Variants in PEF1 observed in about 807,000 individuals in gnomAD.
PEF1 encodes penta-EF-hand domain containing 1, also known as peflin.
PEF1 carries 17 observed loss-of-function variants against 32.0 expected under a neutral mutation model. The observed-to-expected ratio is 0.53, with a 90% CI of 0.36 to 0.80. The LOEUF is 0.80. Among genes scored for constraint, PEF1 ranks in the 30% least tolerant of loss-of-function variants. PEF1 has a pLI of 0.00. For synonymous variants in PEF1, 130 were observed against 139.8 expected (o/e 0.93, Z 0.50); for missense variants, 362 against 369.1 (o/e 0.98, Z 0.16).
At position 31,633,230 on chromosome 1, in the gene PEF1, T is replaced by C; in HGVS notation, c.410A>G (p.Lys137Arg). The change falls in exon 3 of 5, where the codon AAG becomes AGG. Residue 137 changes from lysine to arginine, a missense_variant. Transcript: ENST00000373703. ...GTTGACCAGGGCCTGCTTTAGCTCC[T>C]TCATGGAGATATAGCCACTGTGATC... is the stretch of plus-strand genomic sequence containing the variant. ...DSDHSGYISM[K>R]ELKQALVNCN... 1 of 1,614,054 alleles carries C rather than the reference T, an allele frequency of 6.2e-7. No homozygotes were observed. The highest frequency in any genetic ancestry group is 1.1e-5 in the South Asian group (1 of 91,042).
rs1640229510 is a variant in PEF1, at chr1:31,635,447, C to T, written c.100G>A (p.Gly34Arg). The change falls in exon 2 of 5, where the codon GGG becomes AGG. Residue 34 changes from glycine (G) to arginine (R), a missense_variant. Coordinates refer to ENST00000373703, the MANE Select transcript of PEF1 (RefSeq NM_012392.4). ...GGGGGTAGCCCACTACCATACTGCCCTCCACTATTGGGGGGTCCAGGGTAG... is the reference window on the plus strand; with the variant it reads ...GGGGGTAGCCCACTACCATACTGCCTTCCACTATTGGGGGGTCCAGGGTAG... ...SYYPGPPNSG[G>R]QYGSGLPPGG... The T allele has an allele frequency of 1.2e-6, 2 of 1,604,684 alleles. No individual in the cohort carries two copies. Among genetic ancestry groups the T allele is most frequent in the African/African-American group, 1.3e-5 (1 of 74,656 alleles).
Position 31,632,488 on chromosome 1 carries a change from C to A in PEF1, c.625+7G>T. ...CCTGCCCATCGTGCCCCGGCCATGA[C>A]CCGCACCTTGCTGCAGCTCTGTGTA... On this transcript the variant is annotated splice_region_variant and intron_variant, in intron 4 of 4. Coordinates refer to ENST00000373703, the MANE Select transcript of PEF1 (RefSeq NM_012392.4). 6.2e-7 allele frequency: 1 copy of A among 1,614,260 alleles called. No homozygotes were observed. Among genetic ancestry groups the A allele is most frequent in the Non-Finnish European group, 8.5e-7 (1 of 1,180,042 alleles).
chr1:31,633,635 C>A (rs1015229711), intron 2 of PEF1, among the ~76,000 whole-genome samples: 3 of 152,044 alleles, frequency 2.0e-5, no homozygotes, highest in Non-Finnish European at 2.9e-5. Flanking sequence ...AGGTAAACTG[C>A]GAGATGGGGG....
chr1:31,643,759 C>A (rs75270800), intron 1 of PEF1, among the ~76,000 whole-genome samples: 1 of 152,192 alleles, frequency 6.6e-6, no homozygotes, highest in Non-Finnish European at 1.5e-5. Flanking sequence ...TGTAATATAC[C>A]AATTGATCTT....
rs1266843311 is a variant in PEF1, at chr1:31,630,965, A to T, written c.626-123T>A. The T allele has an allele frequency of 1.2e-5, 10 of 806,514 alleles. No homozygotes were observed. In the South Asian group the frequency reaches 1.3e-4, roughly 10 times the overall value. 50.0% of individuals were successfully genotyped at this position (806,514 alleles called of 1,614,324 possible). A position where few individuals can be genotyped will look rare whatever the true frequency, so the allele number is the denominator to read the frequency against. Reference sequence around the variant, plus strand: ...AGAGGATGGGCACAGAAGCACAAAGAGGGTAGAGAAATCCCAAGGGTCTGT... The same window carrying T: ...AGAGGATGGGCACAGAAGCACAAAGTGGGTAGAGAAATCCCAAGGGTCTGT... On this transcript the variant is annotated intron_variant, in intron 4 of 4. Coordinates refer to ENST00000373703, the MANE Select transcript of PEF1 (RefSeq NM_012392.4).
intron 1 of PEF1, among the ~76,000 whole-genome samples, chr1:31,640,849 G>A (rs908706487): frequency 1.3e-5 from 2 of 152,024 alleles, no homozygotes; most frequent in African/African-American, 4.8e-5. Context: ...GCTGTTCCAA[G>A]CTGAGCCCTG....
chr1:31,639,161 GAA>G (rs1334346896), intron 1 of PEF1, among the ~76,000 whole-genome samples: 1 of 152,148 alleles, frequency 6.6e-6, no homozygotes, highest in Non-Finnish European at 1.5e-5. Context: ...ACTCCAGACA[GAA>G]GAGAGAAGAA....
At chr1:31,633,854 C>G (rs2148618422) in intron 2 of PEF1, among the ~76,000 whole-genome samples, 1 of 151,936 alleles carries the variant, frequency 6.6e-6, no homozygotes, top group East Asian at 1.9e-4. Context: ...ACTGGGGAGG[C>G]TGAAGCAGGA....
intron 4 of PEF1, among the ~76,000 whole-genome samples, chr1:31,631,290 A>G (rs565974131): frequency 6.6e-6 from 1 of 152,300 alleles, no homozygotes; most frequent in South Asian, 2.1e-4. Context: ...CTATCTTATC[A>G]TCTCTAAAAT....
chr1:31,633,436 T>C (rs1640171251), intron 2 of PEF1, 122 bp from the exon 3 acceptor site: 1 of 1,096,746 alleles, frequency 9.1e-7, no homozygotes, highest in Non-Finnish European at 1.3e-6. Flanking sequence ...CTGTCTTCCA[T>C]CAAGCTGACA....
Position 31,644,343 on chromosome 1 carries a change from G to C in PEF1, c.24+498C>G, listed in dbSNP as rs191896889. On this transcript the variant is annotated intron_variant, in intron 1 of 4. Coordinates refer to ENST00000373703, the MANE Select transcript of PEF1 (RefSeq NM_012392.4). ...GGTTCACTTTTCTACACGCGAAATG[G>C]CGGTGTTGAACTAAGTCAGTGGTCA... The C allele has an allele frequency of 6.0e-5, 59 of 981,040 alleles. No homozygotes were observed. The African/African-American group carries it at 1.0e-3, about 17-fold the overall frequency. 60.8% of individuals were successfully genotyped at this position (981,040 alleles called of 1,614,324 possible).
chr1:31,633,016 A>C (rs923785518), intron 3 of PEF1, 143 bp downstream of exon 3: 44 of 983,438 alleles, frequency 4.5e-5, no homozygotes, highest in Non-Finnish European at 6.5e-5. Flanking sequence ...AGGGGATCTC[A>C]CCCTGAACCT....
intron 3 of PEF1, 85 bp downstream of exon 3, chr1:31,633,074 T>C (rs1640156893): frequency 6.9e-7 from 1 of 1,449,728 alleles, no homozygotes; most frequent in Non-Finnish European, 9.3e-7. Context: ...CTCTTCAGAA[T>C]GTCCACCCAC....
Position 31,632,614 on chromosome 1 carries a change from C to A in PEF1, c.506G>T (p.Gly169Val). Reference sequence around the variant, plus strand: ...TGAGAAGCCGTAGACATCGATGCGGCCTGACTTGGTCTTGTCAAACATGTC... The same window carrying A: ...TGAGAAGCCGTAGACATCGATGCGGACTGACTTGGTCTTGTCAAACATGTC... ...MINMFDKTKS[G>V]RIDVYGFSAL... Residue 169 changes from glycine (G) to valine (V), a missense_variant, in exon 4 of 5, where the codon GGC (glycine) becomes GTC (valine). By Grantham distance (109) the Gly-to-Val change is moderately radical. Transcript: ENST00000373703. 1 of 1,614,080 alleles carries A rather than the reference C, an allele frequency of 6.2e-7. No individual in the cohort carries two copies. Among genetic ancestry groups the A allele is most frequent in the Non-Finnish European group, 8.5e-7 (1 of 1,179,992 alleles).
At chr1:31,635,197 C>A (rs766954904) in intron 2 of PEF1, 25 bp downstream of exon 2, 3 of 1,610,632 alleles carry the variant, frequency 1.9e-6, no homozygotes, top group African/African-American at 2.7e-5. Flanking sequence ...GTCAGAGGTA[C>A]CCGGAGTCCA....
Position 31,630,622 on chromosome 1 carries a change from C to T in PEF1, c.846G>A (p.Arg282=). 1.9e-6 allele frequency: 3 copies of T among 1,612,318 alleles called. No homozygotes were observed. The highest frequency in any genetic ancestry group is 2.5e-6 in the Non-Finnish European group (3 of 1,179,998). Residue 282 remains arginine, a synonymous_variant, in exon 5 of 5, where the codon CGG becomes CGA. Coordinates refer to ENST00000373703, the MANE Select transcript of PEF1 (RefSeq NM_012392.4). ...FEDFVTMTAS[R]ML is the part of the protein sequence containing the mutation. ...TCCACAGATGGTTGGGTCATAGCAT[C>T]CGAGAAGCTGTCATGGTGACGAAGT...
Position 31,635,215 on chromosome 1 carries a change from T to C in PEF1, c.325+7A>G, listed in dbSNP as rs1640220360. 1.2e-6 allele frequency: 2 copies of C among 1,613,402 alleles called. No individual in the cohort carries two copies. The highest frequency in any genetic ancestry group is 1.7e-5 in the Admixed American group (1 of 59,886). Reference sequence around the variant, plus strand: ...AGAGGTACCCGGAGTCCAAGATTACTACTTACCCTGTCCATAAAGCCCAGG... The same window carrying C: ...AGAGGTACCCGGAGTCCAAGATTACCACTTACCCTGTCCATAAAGCCCAGG... On this transcript the variant is annotated splice_region_variant and intron_variant, in intron 2 of 4. Transcript: ENST00000373703.
chr1:31,642,023 G>A (rs1022701339), intron 1 of PEF1, among the ~76,000 whole-genome samples: 30 of 152,342 alleles, frequency 2.0e-4, no homozygotes, highest in Middle Eastern at 3.4e-3. Context: ...CCTGAGGTTA[G>A]GAGTTTGAGA....
chr1:31,632,875 G>C (rs1275682812), intron 3 of PEF1, among the ~76,000 whole-genome samples: 1 of 152,164 alleles, frequency 6.6e-6, no homozygotes, highest in Non-Finnish European at 1.5e-5. Context: ...CTGCAGGCTT[G>C]GCACCTGACC....
Sources: gnomAD v4.1 joint callset for allele counts (sites outside exome capture counted in the v4.1 genomes callset) on GRCh38, gnomAD v4.1.1 for gene constraint, MANE v1.5 for transcripts, NCBI Gene and HGNC (gene_info 2026-07-23, HGNC 2026-07-21) for gene names.